The following KSR1 variants were observed in gnomAD, a reference collection of about 807,000 sequenced individuals.
KSR1 encodes the protein kinase suppressor of ras.
In KSR1, 35 loss-of-function variants were observed where a neutral mutation model predicts 92.9. That is an observed-to-expected ratio of 0.38 (90% CI 0.29 to 0.50). KSR1 has a LOEUF of 0.50. KSR1 is among the 20% of genes least tolerant of loss of function. The pLI is 0.94. For missense variants in KSR1, 972 were observed against 1,158.5 expected, an observed-to-expected ratio of 0.84 and a Z score of 2.34; for synonymous variants, 467 against 472.6, an observed-to-expected ratio of 0.99 and a Z score of 0.15.
At chr17:27,569,863 T>A (rs2072237278) in intron 2 of KSR1, among the ~76,000 whole-genome samples, 1 of 152,168 alleles carries the variant, frequency 6.6e-6, no homozygotes, top group Non-Finnish European at 1.5e-5. Context: ...TCTGGATTTA[T>A]AGAAGGAGGA....
chr17:27,470,409 T>C (rs1434316035), intron 1 of KSR1, among the ~76,000 whole-genome samples: 1 of 151,932 alleles, frequency 6.6e-6, no homozygotes, highest in Non-Finnish European at 1.5e-5. Context: ...GCCCAGCTAA[T>C]TTTTATATTT....
At chr17:27,622,193 T>C in intron 20 of KSR1, 1 of 546,554 alleles carries the variant, frequency 1.8e-6, no homozygotes, top group African/African-American at 1.9e-5. Context: ...CAAGGCAGTC[T>C]GGGCAGCTTC....
At chr17:27,474,087 C>G (rs539131818) in intron 1 of KSR1, among the ~76,000 whole-genome samples, 1 of 152,314 alleles carries the variant, frequency 6.6e-6, no homozygotes, top group African/African-American at 2.4e-5. Context: ...GACCCCTAAA[C>G]CAGAGGGGGC....
chr17:27,527,113 A>C, intron 1 of KSR1: 1 of 365,982 alleles, frequency 2.7e-6, no homozygotes. Flanking sequence ...TTCACACATC[A>C]CTTTTCTTAC....
At chr17:27,518,407 G>A (rs754434633) in intron 1 of KSR1, among the ~76,000 whole-genome samples, 9 of 152,286 alleles carry the variant, frequency 5.9e-5, no homozygotes, top group South Asian at 2.1e-4. Context: ...TATGTATTTC[G>A]AAAGCATCCT....
intron 19 of KSR1, among the ~76,000 whole-genome samples, chr17:27,618,605 G>A (rs924542869): frequency 2.6e-5 from 4 of 152,228 alleles, no homozygotes; most frequent in Non-Finnish European, 2.9e-5. Context: ...CAGCTCTGCC[G>A]TCGCAACACG....
intron 1 of KSR1, among the ~76,000 whole-genome samples, chr17:27,542,472 A>G (rs1166179914): frequency 6.6e-6 from 1 of 152,206 alleles, no homozygotes; most frequent in Non-Finnish European, 1.5e-5. Context: ...GGTTAGGGTG[A>G]CAACCTATAA....
Position 27,554,240 on chromosome 17 carries a change from A to G in KSR1, c.372+3532A>G, listed in dbSNP as rs183257058. 4.7e-4 allele frequency among the ~76,000 whole-genome samples: 72 copies of G among 152,318 alleles called. 1 individual carries two copies. Among genetic ancestry groups the G allele is most frequent in the Admixed American group, 4.6e-3 (71 of 15,296 alleles). On this transcript the variant is annotated intron_variant, in intron 2 of 20. Transcript: ENST00000644974. ...GAATTTTTGCGGTCAGACCTTGGCA[A>G]TGACCTTGAGCAGTAGGATATAAAT...
chr17:27,588,504 C>T lies in KSR1; in HGVS notation c.1015C>T (p.Arg339Trp), dbSNP rs751754488. 29 of 1,592,036 alleles carry T rather than the reference C, an allele frequency of 1.8e-5. No homozygotes were observed. Among genetic ancestry groups the T allele is most frequent in the South Asian group, 3.5e-5 (3 of 86,016 alleles). Reference protein sequence around the residue: ...DLSHGSPQMVRRDIGLSVTHR... With the variant: ...DLSHGSPQMVWRDIGLSVTHR... The stretch of plus-strand genomic sequence containing the variant: ...CTCGCATGGATCCCCACAGATGGTA[C>T]GGAGGGATATCGGGCTGTCGGTGAC... Residue 339 changes from arginine to tryptophan, a missense_variant, in exon 6 of 21, where the codon CGG (arginine) becomes TGG (tryptophan). Around this residue, in one of 5 missense-constraint regions of KSR1, gnomAD observed 611 missense variants for 668.0 expected, o/e 0.91. Coordinates refer to ENST00000644974, the MANE Select transcript of KSR1 (RefSeq NM_001394583.1).
intron 2 of KSR1, among the ~76,000 whole-genome samples, chr17:27,568,712 C>G (rs2072184376): frequency 6.6e-6 from 1 of 152,224 alleles, no homozygotes; most frequent in South Asian, 2.1e-4. Flanking sequence ...GCACCCTCCT[C>G]ATAGGATTAC....
intron 1 of KSR1, among the ~76,000 whole-genome samples, chr17:27,474,029 C>T (rs535752562): frequency 3.9e-5 from 6 of 152,340 alleles, no homozygotes; most frequent in African/African-American, 9.6e-5. Context: ...GGGCTGCGAT[C>T]GGCCATGTGT....
chr17:27,601,325 C>G, intron 10 of KSR1, 35 bp from the exon 11 acceptor site: 1 of 1,597,558 alleles, frequency 6.3e-7, no homozygotes, highest in South Asian at 1.1e-5. Flanking sequence ...GTTGGCCGTT[C>G]TGTGTGTGTG....
At position 27,597,283 on chromosome 17, in the gene KSR1, A is replaced by G. The variant is rs762763934; in HGVS notation, c.1315A>G (p.Met439Val). 13 of 1,596,404 alleles carry G rather than the reference A, an allele frequency of 8.1e-6. No individual in the cohort carries two copies. The highest frequency in any genetic ancestry group is 2.3e-5 in the South Asian group (2 of 88,176). Residue 439 changes from methionine (M) to valine (V), a missense_variant, in exon 10 of 21, where the codon ATG (methionine) becomes GTG (valine). By Grantham distance (21) the Met-to-Val change is conservative (BLOSUM62 1). This residue lies in a region of KSR1 where 611 missense variants were observed against 668.0 expected (regional missense o/e 0.91). Coordinates refer to ENST00000644974, the MANE Select transcript of KSR1 (RefSeq NM_001394583.1). Reference sequence around the variant, plus strand: ...GGTCCTGCAGGAGCACCCTCCGGCCATGAATCACCTGGACTCCAGCAGCAA... The same window carrying G: ...GGTCCTGCAGGAGCACCCTCCGGCCGTGAATCACCTGGACTCCAGCAGCAA... ...ALTKKEHPPA[M>V]NHLDSSSNPS... is the part of the protein sequence containing the mutation.
In KSR1 at chr17:27,595,611, C is replaced by G. The variant is rs374412362; in HGVS notation, c.1300-1657C>G. 4.0e-5 allele frequency among the ~76,000 whole-genome samples: 6 copies of G among 150,458 alleles called. No individual in the cohort carries two copies. In the East Asian group the frequency reaches 9.8e-4, roughly 24 times the overall value. ...GAGAAGCTGGAGCTTAGGCCTCTCT[C>G]CCTGCCCCCCACTTTCTCCCTTCAC... On this transcript the variant is annotated intron_variant, in intron 9 of 20. Transcript: ENST00000644974.
chr17:27,538,960 CCTT>C (rs1342084495), intron 1 of KSR1, among the ~76,000 whole-genome samples: 1 of 152,214 alleles, frequency 6.6e-6, no homozygotes, highest in Non-Finnish European at 1.5e-5. Flanking sequence ...GGCACAGTCT[CCTT>C]CTCATAGTTG....
At chr17:27,485,718 G>A (rs1393140814) in intron 1 of KSR1, among the ~76,000 whole-genome samples, 1 of 152,116 alleles carries the variant, frequency 6.6e-6, no homozygotes, top group Non-Finnish European at 1.5e-5. Context: ...CATCAATAGG[G>A]CTTGTGCACA....
At chr17:27,600,754 A>G (rs1333241525) in intron 10 of KSR1, among the ~76,000 whole-genome samples, 2 of 152,218 alleles carry the variant, frequency 1.3e-5, no homozygotes, top group East Asian at 3.8e-4. Context: ...CCAAAACAAC[A>G]TTCTGTGGCA....
In KSR1 at chr17:27,550,580, C is replaced by T. The variant is rs764956789; in HGVS notation, c.244C>T (p.Arg82Cys). ...GGACTTTCTGCAGGCGAAGCTGGTC[C>T]GTTACATTTGTAAGCAGAGGCAGTG... ...EIRTLEAKLV[R>C]YICKQRQCKL... The change falls in exon 2 of 21, where the codon CGT becomes TGT. Residue 82 changes from arginine to cysteine, a missense_variant. Around this residue, in one of 5 missense-constraint regions of KSR1, gnomAD observed 611 missense variants for 668.0 expected, o/e 0.91. Coordinates refer to ENST00000644974, the MANE Select transcript of KSR1 (RefSeq NM_001394583.1). 5.6e-5 allele frequency: 43 copies of T among 764,938 alleles called. No homozygotes were observed. The highest frequency in any genetic ancestry group is 1.0e-4 in the African/African-American group (6 of 59,246). 47.4% of individuals were successfully genotyped at this position (764,938 alleles called of 1,614,324 possible). A position where few individuals can be genotyped will look rare whatever the true frequency, so the allele number is the denominator to read the frequency against.
chr17:27,548,700 T>C (rs1216043900), intron 1 of KSR1, among the ~76,000 whole-genome samples: 1 of 152,168 alleles, frequency 6.6e-6, no homozygotes, highest in African/African-American at 2.4e-5. Context: ...TATGGTGGCA[T>C]GCGCCTATAC....
Sources: allele counts gnomAD v4.1 joint callset (sites outside exome capture counted in the v4.1 genomes callset), GRCh38; gene constraint gnomAD v4.1.1; regional missense constraint gnomAD v4.1.1; transcripts MANE v1.5; gene names NCBI Gene and HGNC (gene_info 2026-07-23, HGNC 2026-07-21).